Variants in JAKMIP2 observed in about 807,000 individuals in gnomAD.
The protein encoded by JAKMIP2 is janus kinase and microtubule-interacting protein 2.
A neutral mutation model predicts 115.0 loss-of-function variants in JAKMIP2; 25 were observed. The observed-to-expected ratio is 0.22, with a 90% CI of 0.16 to 0.30. The LOEUF (loss-of-function observed/expected upper bound fraction) is 0.30, where lower values mean the gene tolerates loss of function less well. JAKMIP2 is among the 10% of genes least tolerant of loss of function. The pLI is 1.00. For missense variants in JAKMIP2, 642 were observed against 957.6 expected, an observed-to-expected ratio of 0.67 and a Z score of 4.35; for synonymous variants, 334 against 343.6, an observed-to-expected ratio of 0.97 and a Z score of 0.31.
At chr5:147,701,989 C>T (rs879277088) in intron 1 of JAKMIP2, among the ~76,000 whole-genome samples, 4 of 152,208 alleles carry the variant, frequency 2.6e-5, no homozygotes, top group African/African-American at 7.2e-5. Flanking sequence ...TTTGGGGAAA[C>T]ATCCCTTCTC....
At chr5:147,732,461 T>C (rs999531821) in intron 1 of JAKMIP2, among the ~76,000 whole-genome samples, 4 of 151,978 alleles carry the variant, frequency 2.6e-5, no homozygotes, top group African/African-American at 9.7e-5. Context: ...CTGCTAATTA[T>C]CAACACAGAA....
chr5:147,733,368 A>C (rs1412222494), intron 1 of JAKMIP2, among the ~76,000 whole-genome samples: 1 of 152,114 alleles, frequency 6.6e-6, no homozygotes, highest in Non-Finnish European at 1.5e-5. Flanking sequence ...GCCTTTCCTA[A>C]TTATTATCCT....
At chr5:147,741,658 G>A (rs1045745855) in intron 1 of JAKMIP2, among the ~76,000 whole-genome samples, 8 of 152,064 alleles carry the variant, frequency 5.3e-5, no homozygotes, top group Non-Finnish European at 7.4e-5. Context: ...TTCATTCTAG[G>A]TTTTAACTAA....
chr5:147,628,264 C>T (rs775110917), intron 16 of JAKMIP2, among the ~76,000 whole-genome samples: 6 of 152,074 alleles, frequency 3.9e-5, no homozygotes, highest in Non-Finnish European at 7.4e-5. Context: ...AAGGTGGAGC[C>T]AGAGCTCAGT....
chr5:147,779,886 T>A (rs1348919494), intron 1 of JAKMIP2, among the ~76,000 whole-genome samples: 1 of 152,178 alleles, frequency 6.6e-6, no homozygotes, highest in Admixed American at 6.5e-5. Context: ...TTCATTGCTT[T>A]ATCTGATTAG....
chr5:147,650,349 A>T lies in JAKMIP2; in HGVS notation c.826T>A (p.Cys276Ser), dbSNP rs774849083. The T allele has an allele frequency of 1.9e-6, 3 of 1,607,144 alleles. No individual in the cohort carries two copies. Among genetic ancestry groups the T allele is most frequent in the South Asian group, 2.2e-5 (2 of 90,956 alleles). Reference protein sequence around the residue: ...PGRAGDGSEHCSSPDLRRNQK... With the variant: ...PGRAGDGSEHSSSPDLRRNQK... ...TAGAATGGACTTACAGGACTGCTGC[A>T]GTGTTCGGAACCATCACCTGCCCTT... The change falls in exon 4 of 22, where the codon TGC becomes AGC. Residue 276 changes from cysteine to serine, a missense_variant. Cys to Ser is a moderately radical substitution (Grantham distance 112). Around this residue, in one of 6 missense-constraint regions of JAKMIP2, gnomAD observed 439 missense variants for 570.9 expected, o/e 0.77. Coordinates refer to ENST00000616793, the MANE Select transcript of JAKMIP2 (RefSeq NM_001270941.2).
At chr5:147,763,329 G>A (rs796108103) in intron 1 of JAKMIP2, among the ~76,000 whole-genome samples, 27 of 152,192 alleles carry the variant, frequency 1.8e-4, no homozygotes, top group African/African-American at 6.3e-4. Flanking sequence ...TCATCCCATT[G>A]ACAAAGAGAA....
At chr5:147,702,609 AAAGAAAGAAAGAAAG>A (rs1752393489) in intron 1 of JAKMIP2, among the ~76,000 whole-genome samples, 1 of 32,838 alleles carries the variant, frequency 3.0e-5, no homozygotes, top group African/African-American at 1.0e-4. Context: ...AGAAGGAAAG[AAAGAAAGAAAGAAAG>A]AAAGAAAGAA....
At chr5:147,671,628 C>T in intron 2 of JAKMIP2, 50 bp downstream of exon 2, 1 of 1,336,270 alleles carries the variant, frequency 7.5e-7, no homozygotes, top group South Asian at 2.5e-5. Context: ...TGCATGTGGA[C>T]ACAGCCAGAG....
chr5:147,627,631 A>G (rs1243939749), intron 16 of JAKMIP2, among the ~76,000 whole-genome samples: 2 of 148,214 alleles, frequency 1.3e-5, no homozygotes, highest in Non-Finnish European at 3.0e-5. Context: ...ATTTTATTTC[A>G]CATGTAAATA....
At chr5:147,605,283 C>T (rs1755946318) in intron 20 of JAKMIP2, among the ~76,000 whole-genome samples, 1 of 147,400 alleles carries the variant, frequency 6.8e-6, no homozygotes, top group Non-Finnish European at 1.5e-5. Flanking sequence ...GATCTTGGCT[C>T]ACTGCAAGCT....
chr5:147,772,543 CT>C (rs1230309947), intron 1 of JAKMIP2, among the ~76,000 whole-genome samples: 3,326 of 144,348 alleles, frequency 0.023, 128 homozygotes, highest in African/African-American at 0.078. Flanking sequence ...GCCAGATTTT[CT>C]TTTTTTTTTT....
intron 1 of JAKMIP2, among the ~76,000 whole-genome samples, chr5:147,712,994 A>G (rs1290663325): frequency 2.6e-5 from 4 of 152,192 alleles, no homozygotes; most frequent in South Asian, 4.1e-4. Context: ...AAAATATGTT[A>G]AGGGAAGGGA....
intron 2 of JAKMIP2, 125 bp from the exon 3 acceptor site, chr5:147,661,570 C>T: frequency 9.9e-7 from 1 of 1,009,816 alleles, no homozygotes; most frequent in Non-Finnish European, 1.4e-6. Context: ...CAATTCCAGG[C>T]CCTCTGAGAA....
chr5:147,592,262 C>A (rs1480735504), intron 21 of JAKMIP2, among the ~76,000 whole-genome samples: 2 of 152,174 alleles, frequency 1.3e-5, no homozygotes, highest in Non-Finnish European at 2.9e-5. Flanking sequence ...ATTTTAATAG[C>A]AGACCTGTCT....
chr5:147,592,756 A>AGAAATGTTAAATCCAAAGT (rs1359606945), intron 21 of JAKMIP2, among the ~76,000 whole-genome samples: 1 of 152,234 alleles, frequency 6.6e-6, no homozygotes, highest in Non-Finnish European at 1.5e-5. Context: ...CTATTATTCC[A>AGAAATGTTAAATCCAAAGT]GAAATGTTAA....
chr5:147,726,221 C>T (rs2126956874), intron 1 of JAKMIP2, among the ~76,000 whole-genome samples: 1 of 152,284 alleles, frequency 6.6e-6, no homozygotes, highest in East Asian at 1.9e-4. Context: ...CAAGTAGGGG[C>T]AAGTTTGAGC....
At chr5:147,702,619 A>G (rs183060794) in intron 1 of JAKMIP2, among the ~76,000 whole-genome samples, 2,051 of 95,542 alleles carry the variant, frequency 0.021, 23 homozygotes, top group East Asian at 0.041. Context: ...AAAGAAAGAA[A>G]GAAAGAAAGA....
At chr5:147,663,044 A>G (rs935848572) in intron 2 of JAKMIP2, among the ~76,000 whole-genome samples, 10 of 152,200 alleles carry the variant, frequency 6.6e-5, no homozygotes, top group African/African-American at 2.2e-4. Flanking sequence ...CCCAGGAGTA[A>G]TAGCTAGTTG....
Sources: gnomAD v4.1 joint callset for allele counts (sites outside exome capture counted in the v4.1 genomes callset) on GRCh38, gnomAD v4.1.1 for gene constraint, gnomAD v4.1.1 regional missense constraint, MANE v1.5 for transcripts, NCBI Gene and HGNC (gene_info 2026-07-23, HGNC 2026-07-21) for gene names.